BRINP3: variants seen among roughly 807,000 people sequenced by gnomAD.
BRINP3 encodes BMP/retinoic acid inducible neural specific 3.
A neutral mutation model predicts 71.0 loss-of-function variants in BRINP3; 19 were observed. The ratio of observed to expected loss-of-function variants is 0.27; its 90% confidence interval spans 0.19 to 0.39. The LOEUF is 0.39. BRINP3 is among the 10% of genes least tolerant of loss of function. BRINP3 has a pLI of 1.00. For missense variants in BRINP3, 959 were observed against 940.8 expected (o/e 1.02, Z -0.25); for synonymous variants, 380 against 337.7 (o/e 1.13, Z -1.37).
chr1:190,449,810 G>A (rs574374705), intron 2 of BRINP3, among the ~76,000 whole-genome samples: 1 of 152,026 alleles, frequency 6.6e-6, no homozygotes, highest in African/African-American at 2.4e-5. Flanking sequence ...GAACAAGAAA[G>A]TCCAGGGGAA....
intron 2 of BRINP3, among the ~76,000 whole-genome samples, chr1:190,404,627 T>C (rs1672141950): frequency 6.6e-6 from 1 of 152,210 alleles, no homozygotes; most frequent in Non-Finnish European, 1.5e-5. Flanking sequence ...TAAAGTTTTC[T>C]AGGCTCTTTC....
intron 6 of BRINP3, among the ~76,000 whole-genome samples, chr1:190,163,122 T>C (rs1250577193): frequency 6.6e-6 from 1 of 152,098 alleles, no homozygotes; most frequent in African/African-American, 2.4e-5. Context: ...TAGTAAAATT[T>C]ATATTTATAG....
intron 7 of BRINP3, among the ~76,000 whole-genome samples, chr1:190,122,971 T>G (rs1327514165): frequency 6.6e-6 from 1 of 151,364 alleles, no homozygotes; most frequent in Non-Finnish European, 1.5e-5. Context: ...CACTTTTGAA[T>G]TATCCTTCTG....
intron 7 of BRINP3, among the ~76,000 whole-genome samples, chr1:190,138,641 T>C (rs1241665193): frequency 2.0e-5 from 3 of 152,078 alleles, no homozygotes; most frequent in African/African-American, 7.2e-5. Context: ...GCTGTGAAAC[T>C]TGGGGATCAG....
At chr1:190,301,154 CAT>C (rs1240838542) in intron 2 of BRINP3, among the ~76,000 whole-genome samples, 4,641 of 108,564 alleles carry the variant, frequency 0.043, 276 homozygotes, top group African/African-American at 0.15. Flanking sequence ...TACACACATA[CAT>C]ATATATATAC....
intron 2 of BRINP3, among the ~76,000 whole-genome samples, chr1:190,406,956 T>G (rs988129977): frequency 1.3e-5 from 2 of 152,190 alleles, no homozygotes; most frequent in Admixed American, 6.5e-5. Context: ...ACAACTGATC[T>G]TACGATATTT....
At chr1:190,362,095 C>T (rs1167988899) in intron 2 of BRINP3, 1 of 152,150 alleles carries the variant, frequency 6.6e-6, no homozygotes, top group African/African-American at 2.4e-5. Flanking sequence ...TGGCAGCAGC[C>T]TGTAAGCCAG....
rs571188136 is a variant in BRINP3, at chr1:190,361,146, A to G, written c.237-79396T>C. Among the ~76,000 whole-genome samples, 28 of 152,080 alleles carry G rather than the reference A, an allele frequency of 1.8e-4. 2 individuals are homozygous for G. The South Asian group carries it at 5.4e-3, about 29-fold the overall frequency. On this transcript the variant is annotated intron_variant, in intron 2 of 7. Coordinates refer to ENST00000367462, the MANE Select transcript of BRINP3 (RefSeq NM_199051.3). ...CCATGGTGGTTTGACAGGGACAAGC[A>G]GGAATAAGAGGCAAGGAGGGCTGTA... is the stretch of plus-strand genomic sequence containing the variant.
Position 190,221,865 on chromosome 1 carries a change from C to A in BRINP3, c.961+4217G>T, listed in dbSNP as rs548483748. On this transcript the variant is annotated intron_variant, in intron 6 of 7. Transcript: ENST00000367462. Reference sequence around the variant, plus strand: ...GGGTCAATACAGCAAGATAATATAACAATTATCAATAGTTTTATGCCCAAC... The same window carrying A: ...GGGTCAATACAGCAAGATAATATAAAAATTATCAATAGTTTTATGCCCAAC... 4.9e-3 allele frequency among the ~76,000 whole-genome samples: 746 copies of A among 152,076 alleles called. 6 individuals are homozygous for A. The highest frequency in any genetic ancestry group is 0.017 in the African/African-American group (702 of 41,520).
chr1:190,278,592 A>C (rs1662798997), intron 3 of BRINP3, among the ~76,000 whole-genome samples: 1 of 151,696 alleles, frequency 6.6e-6, no homozygotes, highest in South Asian at 2.1e-4. Context: ...TATTAACTTT[A>C]ATGAACAAAA....
chr1:190,261,804 C>T (rs1488799780), intron 4 of BRINP3, among the ~76,000 whole-genome samples: 1 of 152,102 alleles, frequency 6.6e-6, no homozygotes, highest in Non-Finnish European at 1.5e-5. Flanking sequence ...CAATTTAAAG[C>T]ATACAAGCAA....
At position 190,149,625 on chromosome 1, in the gene BRINP3, TTGTGTGTGTG is replaced by T. The variant is rs71669261; in HGVS notation, c.1184+11033_1184+11042del. ...GTGCACTTAGGATATTGTTGAGTAGTTGTGTGTGTGTGTGTGTGTGTGTGTGTGTGTATGT... is the reference window on the plus strand; with the variant it reads ...GTGCACTTAGGATATTGTTGAGTAGTTGTGTGTGTGTGTGTGTGTGTATGT... On this transcript the variant is annotated intron_variant, in intron 7 of 7. Coordinates refer to ENST00000367462, the MANE Select transcript of BRINP3 (RefSeq NM_199051.3). 1.8e-4 allele frequency among the ~76,000 whole-genome samples: 26 copies of T among 146,614 alleles called. 1 individual carries two copies. In the East Asian group the frequency reaches 5.0e-3, roughly 28 times the overall value.
chr1:190,164,793 T>C (rs757269421), intron 6 of BRINP3, among the ~76,000 whole-genome samples: 2 of 151,816 alleles, frequency 1.3e-5, no homozygotes, highest in Admixed American at 1.3e-4. Flanking sequence ...GGTCTTACCA[T>C]ATTGTACAGG....
chr1:190,107,481 T>G (rs2102267823), intron 7 of BRINP3, among the ~76,000 whole-genome samples: 1 of 152,140 alleles, frequency 6.6e-6, no homozygotes, highest in Admixed American at 6.5e-5. Flanking sequence ...CTTAACAATC[T>G]AACTTACAAT....
chr1:190,358,994 C>G (rs1353864251), intron 2 of BRINP3, among the ~76,000 whole-genome samples: 3 of 151,924 alleles, frequency 2.0e-5, no homozygotes, highest in Non-Finnish European at 4.4e-5. Flanking sequence ...GGGAACATCA[C>G]ACACCAGCTC....
chr1:190,359,568 C>G (rs545189369), intron 2 of BRINP3, among the ~76,000 whole-genome samples: 1 of 152,146 alleles, frequency 6.6e-6, no homozygotes, highest in South Asian at 2.1e-4. Flanking sequence ...TGGGTCCAGC[C>G]TGGGCAACAT....
chr1:190,141,665 A>G (rs1655460624), intron 7 of BRINP3, among the ~76,000 whole-genome samples: 1 of 144,554 alleles, frequency 6.9e-6, no homozygotes, highest in Admixed American at 7.2e-5. Context: ...GGTTCAAGCA[A>G]TTCTCCTGCC....
intron 1 of BRINP3, among the ~76,000 whole-genome samples, chr1:190,464,420 A>G (rs1676602738): frequency 6.6e-6 from 1 of 151,968 alleles, no homozygotes; most frequent in South Asian, 2.1e-4. Context: ...AAAATTTTAC[A>G]ATATGCTGTT....
chr1:190,140,078 T>A (rs1337831214), intron 7 of BRINP3, among the ~76,000 whole-genome samples: 1 of 152,142 alleles, frequency 6.6e-6, no homozygotes, highest in Admixed American at 6.6e-5. Context: ...TTCAACTGGG[T>A]TTTGAAAACA....
Sources: gnomAD v4.1 joint callset for allele counts (sites outside exome capture counted in the v4.1 genomes callset) on GRCh38, gnomAD v4.1.1 for gene constraint, MANE v1.5 for transcripts, NCBI Gene and HGNC (gene_info 2026-07-23, HGNC 2026-07-21) for gene names.